S100A5: variants seen among roughly 807,000 people sequenced by gnomAD.
S100A5 encodes the protein protein S100-A5.
S100A5 carries 5 observed loss-of-function variants against 6.7 expected under a neutral mutation model. The ratio of observed to expected loss-of-function variants is 0.75; its 90% CI spans 0.39 to 1.57. S100A5 has a LOEUF of 1.57. Ranked by LOEUF, S100A5 falls within the 40% of genes most tolerant of loss-of-function variation. S100A5 has a pLI of 0.03. For synonymous variants in S100A5, 49 were observed against 44.9 expected (o/e 1.09, Z -0.37); for missense variants, 129 against 110.8 (o/e 1.16, Z -0.74).
In S100A5 at chr1:153,537,428, C is replaced by T. The variant is rs755440262; in HGVS notation, c.147G>A (p.Glu49=). Residue 49 remains glutamate (E), a synonymous_variant, in exon 3 of 3, where the codon GAG becomes GAA. Transcript: ENST00000368717. ...KKELCLGEMK[E]SSIDDLMKSL... is the part of the protein sequence containing the mutation. ...TCTTCATCAAGTCATCGATGCTGCT[C>T]TCCTTCATCTTTTGTGGACCCAGGT... The T allele has an allele frequency of 1.2e-6, 2 of 1,613,970 alleles. No individual in the cohort carries two copies. The highest frequency in any genetic ancestry group is 1.3e-5 in the African/African-American group (1 of 74,920).
chr1:153,537,262 AAGGGTGGAGGGTG>A lies in S100A5; in HGVS notation c.*21_*33del. The A allele has an allele frequency of 6.3e-7, 1 of 1,599,292 alleles. No individual in the cohort carries two copies. The highest frequency in any genetic ancestry group is 8.6e-7 in the Non-Finnish European group (1 of 1,168,422). ...AGAGGAGCAGCCGAGGTCAGCAGCA[AAGGGTGGAGGGTG>A]AGGGTGGAGGGCAGCCCTGGTCACT... On this transcript the variant is annotated 3_prime_UTR_variant, in exon 3 of 3. Coordinates refer to ENST00000368717, the MANE Select transcript of S100A5 (RefSeq NM_001394232.1).
At chr1:153,541,576 CA>C, upstream of S100A5, 3 of 1,236,282 alleles carry the variant, frequency 2.4e-6, no homozygotes, top group Non-Finnish European at 3.1e-6. Flanking sequence ...CCCCTTCTGC[CA>C]ATCTCACCTT....
chr1:153,537,374 G>T lies in S100A5; in HGVS notation c.201C>A (p.Ile67=), dbSNP rs1338630253. 4.3e-6 allele frequency: 7 copies of T among 1,614,022 alleles called. No homozygotes were observed. Among genetic ancestry groups the T allele is most frequent in the South Asian group, 1.1e-5 (1 of 91,088 alleles). ...KSLDKNSDQE[I]DFKEYSVFLT... ...GGAACACCGAGTACTCCTTGAAGTC[G>T]ATCTCCTGGTCGCTGTTCTTGTCCA... Residue 67 remains isoleucine (I), a synonymous_variant, in exon 3 of 3, where the codon ATC becomes ATA. Coordinates refer to ENST00000368717, the MANE Select transcript of S100A5 (RefSeq NM_001394232.1).
At position 153,540,132 on chromosome 1, in the gene S100A5, C is replaced by T. The variant is rs146167533; in HGVS notation, c.60G>A (p.Ser20=). The part of the protein sequence containing the change: ...TTMVTTFHKY[S]GREGSKLTLS... ...GGGTCAGTTTGCTACCCTCTCTCCC[C>T]GAATATTTGTGAAACGTGGTCACCA... The change falls in exon 2 of 3, where the codon TCG becomes TCA. Residue 20 remains serine, a synonymous_variant. Coordinates refer to ENST00000368717, the MANE Select transcript of S100A5 (RefSeq NM_001394232.1). 2.4e-4 allele frequency: 384 copies of T among 1,614,136 alleles called. 1 individual carries two copies. Among genetic ancestry groups the T allele is most frequent in the African/African-American group, 1.2e-4 (9 of 75,022 alleles).
upstream of S100A5, among the ~76,000 whole-genome samples, chr1:153,540,975 A>G (rs1216135944): frequency 6.6e-6 from 1 of 152,172 alleles, no homozygotes; most frequent in African/African-American, 2.4e-5. Flanking sequence ...CTTCCCCCTC[A>G]GGGAGGAAGG....
Position 153,537,218 on chromosome 1 carries a change from G to A in S100A5, c.*78C>T. The stretch of plus-strand genomic sequence containing the variant: ...CATCTGGGAGGGAGAGGAGGGCAGG[G>A]GGCCAAAGAGGGTCTGTGAGAGGAG... On this transcript the variant is annotated 3_prime_UTR_variant, in exon 3 of 3. Coordinates refer to ENST00000368717, the MANE Select transcript of S100A5 (RefSeq NM_001394232.1). 1 of 1,523,710 alleles carries A rather than the reference G, an allele frequency of 6.6e-7. No homozygotes were observed. The allele number at this position is 1,523,710 out of a possible 1,614,324, so 94.4% of individuals were successfully genotyped here. A position where few individuals can be genotyped will look rare whatever the true frequency, so the allele number is the denominator to read the frequency against.
rs57968564 is a variant in S100A5 at position 153,538,046 on chromosome 1, C to CA, written c.139-611dup. ...GGGCAACAAGAATGAAACTCCTTCTCAAAAAAAAAAAAAGAACACCTTGCT... is the reference window on the plus strand; with the variant it reads ...GGGCAACAAGAATGAAACTCCTTCTCAAAAAAAAAAAAAAGAACACCTTGCT... On this transcript the variant is annotated intron_variant, in intron 2 of 2. Transcript: ENST00000368717. Among the ~76,000 whole-genome samples the CA allele has an allele frequency of 6.3e-3, 863 of 136,888 alleles. 3 individuals are homozygous for CA. The highest frequency in any genetic ancestry group is 0.019 in the South Asian group (83 of 4,310). The allele number at this position is 136,888 out of a possible 152,430, so 89.8% of individuals were successfully genotyped here. A position where few individuals can be genotyped will look rare whatever the true frequency, so the allele number is the denominator to read the frequency against.
At chr1:153,539,456 T>C (rs1314024024) in intron 2 of S100A5, among the ~76,000 whole-genome samples, 1 of 109,896 alleles carries the variant, frequency 9.1e-6, no homozygotes, top group African/African-American at 4.8e-5. Context: ...AAAAAATATA[T>C]ATATATATAT....
chr1:153,537,512 C>A, intron 2 of S100A5, 76 bp from the exon 3 acceptor site: 1 of 1,563,002 alleles, frequency 6.4e-7, no homozygotes, highest in Non-Finnish European at 8.7e-7. Flanking sequence ...ATGGTGTCAT[C>A]CCCACCCCGA....
At chr1:153,539,413 C>T (rs1420508111) in intron 2 of S100A5, among the ~76,000 whole-genome samples, 4 of 97,964 alleles carry the variant, frequency 4.1e-5, no homozygotes, top group South Asian at 3.5e-4. Flanking sequence ...GGTGACAGAG[C>T]GAGACTCTCT....
In S100A5 at chr1:153,537,243, G is replaced by A; in HGVS notation, c.*53C>T. On this transcript the variant is annotated 3_prime_UTR_variant, in exon 3 of 3. Transcript: ENST00000368717. ...GGGCCAAAGAGGGTCTGTGAGAGGA[G>A]CAGCCGAGGTCAGCAGCAAAGGGTG... The A allele has an allele frequency of 1.9e-6, 3 of 1,588,676 alleles. No homozygotes were observed. In the South Asian group the frequency reaches 3.4e-5, roughly 18 times the overall value.
chr1:153,537,536 G>T, intron 2 of S100A5, 100 bp from the exon 3 acceptor site: 1 of 1,449,714 alleles, frequency 6.9e-7, no homozygotes, highest in Middle Eastern at 2.1e-4. Flanking sequence ...TTCAGGGTGA[G>T]CCCCAGCTGA....
At chr1:153,543,187 G>T, upstream of S100A5, 1 of 982,534 alleles carries the variant, frequency 1.0e-6, no homozygotes, top group Non-Finnish European at 1.2e-6. Flanking sequence ...TCCCACTCTC[G>T]CCTAAATACT....
chr1:153,539,694 A>G (rs1426190522), intron 2 of S100A5, among the ~76,000 whole-genome samples: 1 of 151,684 alleles, frequency 6.6e-6, no homozygotes, highest in African/African-American at 2.4e-5. Flanking sequence ...CAGAGTCCCT[A>G]CACTTGAGTT....
upstream of S100A5, among the ~76,000 whole-genome samples, chr1:153,542,577 G>A (rs1378066843): frequency 1.3e-5 from 2 of 152,196 alleles, no homozygotes; most frequent in African/African-American, 2.4e-5. Context: ...CATGTGATGA[G>A]AGGAAAGAGG....
chr1:153,538,641 A>T (rs1003279539), intron 2 of S100A5, among the ~76,000 whole-genome samples: 1 of 152,190 alleles, frequency 6.6e-6, no homozygotes, highest in African/African-American at 2.4e-5. Flanking sequence ...CATGTGGCAC[A>T]CTGTGGACCT....
At chr1:153,543,390 C>A, upstream of S100A5, 1 of 652,294 alleles carries the variant, frequency 1.5e-6, no homozygotes, top group Non-Finnish European at 1.9e-6. Context: ...TGGGACCTTC[C>A]AAACCTTGGC....
intron 2 of S100A5, among the ~76,000 whole-genome samples, chr1:153,539,473 A>ATATATATATATT (rs1421762845): frequency 8.7e-6 from 1 of 115,172 alleles, no homozygotes; most frequent in African/African-American, 4.4e-5. Flanking sequence ...ATATATATAT[A>ATATATATATATT]TATTTATTTA....
intron 2 of S100A5, among the ~76,000 whole-genome samples, chr1:153,538,352 A>T (rs147992492): frequency 1.3e-5 from 2 of 152,286 alleles, no homozygotes; most frequent in East Asian, 3.9e-4. Context: ...AGACAAGCAG[A>T]TCCTGATGTC....
Sources: gnomAD v4.1 joint callset for allele counts (sites outside exome capture counted in the v4.1 genomes callset) on GRCh38, gnomAD v4.1.1 for gene constraint, MANE v1.5 for transcripts, NCBI Gene and HGNC (gene_info 2026-07-23, HGNC 2026-07-21) for gene names.